COPS2: variants seen among roughly 807,000 people sequenced by gnomAD.
COPS2 encodes COP9 signalosome subunit 2, also known as COP9 signalosome complex subunit 2.
A neutral mutation model predicts 66.1 loss-of-function variants in COPS2; 10 were observed. The ratio of observed to expected loss-of-function variants is 0.15; its 90% CI spans 0.09 to 0.26. The LOEUF is 0.26. Among genes scored for constraint, COPS2 ranks in the 10% least tolerant of loss-of-function variants. The pLI is 1.00. For synonymous variants in COPS2, 179 were observed against 171.3 expected, an observed-to-expected ratio of 1.04 and a Z score of -0.35; for missense variants, 215 against 513.3, an observed-to-expected ratio of 0.42 and a Z score of 5.62.
intron 9 of COPS2, among the ~76,000 whole-genome samples, chr15:49,131,655 T>A (rs577514131): frequency 2.6e-5 from 4 of 152,220 alleles, no homozygotes. Flanking sequence ...TCTAGTCTCC[T>A]GGCAACTGAC....
intron 3 of COPS2, among the ~76,000 whole-genome samples, chr15:49,142,946 A>G (rs2084298847): frequency 6.6e-6 from 1 of 152,162 alleles, no homozygotes; most frequent in African/African-American, 2.4e-5. Flanking sequence ...GGTGAAGAGG[A>G]GCAATAAATA....
chr15:49,144,451 TCA>T, intron 2 of COPS2, 147 bp from the exon 3 acceptor site: 1 of 558,358 alleles, frequency 1.8e-6, no homozygotes, highest in East Asian at 3.0e-5. Flanking sequence ...ATGTCATTTT[TCA>T]GTCTTTAAAA....
intron 9 of COPS2, 29 bp from the exon 10 acceptor site, chr15:49,130,845 T>C: frequency 8.1e-7 from 1 of 1,235,728 alleles, no homozygotes; most frequent in Non-Finnish European, 1.2e-6. Context: ...GTAAATTATG[T>C]CAAACATGAA....
At chr15:49,149,792 T>C (rs575117704) in intron 1 of COPS2, among the ~76,000 whole-genome samples, 7 of 152,300 alleles carry the variant, frequency 4.6e-5, no homozygotes, top group African/African-American at 1.4e-4. Flanking sequence ...TTTCTGAGTC[T>C]TGTCTAACAG....
Position 49,129,552 on chromosome 15 carries a change from CA to C in COPS2, c.1052del (p.Leu351CysfsTer10). 6.7e-7 allele frequency: 1 copy of C among 1,495,506 alleles called. No individual in the cohort carries two copies. The highest frequency in any genetic ancestry group is 9.0e-7 in the Non-Finnish European group (1 of 1,117,308). 92.6% of individuals were successfully genotyped at this position (1,495,506 alleles called of 1,614,324 possible). ...TAAGCACTTGTGTTCTGATGTTTCGCAAAAGCTCTGAAAGACAAAAAATTAA... is the reference window on the plus strand; with the variant it reads ...TAAGCACTTGTGTTCTGATGTTTCGCAAAGCTCTGAAAGACAAAAAATTAA... ...PFIREHIEEL[L>X]RNIRTQVLIK... On this transcript the variant is annotated frameshift_variant, in exon 11 of 13. Transcript: ENST00000388901. LOFTEE classifies it high-confidence loss of function.
intron 9 of COPS2, among the ~76,000 whole-genome samples, chr15:49,131,183 C>A (rs1347232346): frequency 6.6e-6 from 1 of 151,906 alleles, no homozygotes; most frequent in Admixed American, 6.6e-5. Flanking sequence ...CATTTAATTC[C>A]TAATTGTTCA....
At position 49,134,003 on chromosome 15, in the gene COPS2, G is replaced by C. The variant is rs749399929; in HGVS notation, c.821C>G (p.Thr274Ser). Reference protein sequence around the residue: ...NYDESGSPRRTTCLKYLVLAN... With the variant: ...NYDESGSPRRSTCLKYLVLAN... ...TAAGACCAAATATTTTAAGCAAGTG[G>C]TTCGTCTTGGACTTCCAGATTCATC... The change falls in exon 8 of 13, where the codon ACC becomes AGC. Residue 274 changes from threonine (T) to serine (S), a missense_variant. Around this residue, in one of 5 missense-constraint regions of COPS2, gnomAD observed 56 missense variants for 173.6 expected, o/e 0.32. Coordinates refer to ENST00000388901, the MANE Select transcript of COPS2 (RefSeq NM_004236.4). The C allele has an allele frequency of 6.2e-7, 1 of 1,613,880 alleles. No homozygotes were observed. The highest frequency in any genetic ancestry group is 8.5e-7 in the Non-Finnish European group (1 of 1,179,874).
intron 6 of COPS2, among the ~76,000 whole-genome samples, chr15:49,136,323 A>T (rs997512732): frequency 3.3e-5 from 5 of 152,244 alleles, no homozygotes; most frequent in Non-Finnish European, 5.9e-5. Flanking sequence ...ATATAAAATG[A>T]AAGCCTGGTT....
rs1304721837 is a variant in COPS2, at chr15:49,124,550, G to A, written c.*3400C>T. ...TAAATGAAGACCAAATGCCTTTTGC[G>A]TCACATTCTGAAACCTGATACTCCA... On this transcript the variant is annotated 3_prime_UTR_variant, in exon 13 of 13. Coordinates refer to ENST00000388901, the MANE Select transcript of COPS2 (RefSeq NM_004236.4). 1 of 152,102 alleles carries A rather than the reference G, an allele frequency of 6.6e-6. No homozygotes were observed. The highest frequency in any genetic ancestry group is 1.5e-5 in the Non-Finnish European group (1 of 67,998). 9.4% of individuals were successfully genotyped at this position (152,102 alleles called of 1,614,324 possible). A position where few individuals can be genotyped will look rare whatever the true frequency, so the allele number is the denominator to read the frequency against.
At chr15:49,139,751 G>A (rs1412045292) in intron 3 of COPS2, 98 bp from the exon 4 acceptor site, 4 of 854,580 alleles carry the variant, frequency 4.7e-6, no homozygotes, top group Non-Finnish European at 7.2e-6. Context: ...ATAATGAAAT[G>A]TAGTTCATAT....
intron 1 of COPS2, among the ~76,000 whole-genome samples, chr15:49,148,346 C>A (rs1479308627): frequency 6.6e-6 from 1 of 152,042 alleles, no homozygotes; most frequent in South Asian, 2.1e-4. Context: ...ACTAAGTCCA[C>A]TGGCATCTCA....
intron 3 of COPS2, among the ~76,000 whole-genome samples, chr15:49,144,010 C>A (rs1293241098): frequency 1.0e-4 from 15 of 150,150 alleles, no homozygotes; most frequent in Admixed American, 5.3e-4. Flanking sequence ...GTAAATGCAT[C>A]TAAAAGAGTA....
At chr15:49,129,898 T>A (rs1391038283) in intron 10 of COPS2, among the ~76,000 whole-genome samples, 2 of 152,232 alleles carry the variant, frequency 1.3e-5, no homozygotes, top group African/African-American at 4.8e-5. Flanking sequence ...TTCCTTGTTT[T>A]AGACTCTCTC....
intron 10 of COPS2, 53 bp from the exon 11 acceptor site, chr15:49,129,612 T>G (rs1297375377): frequency 5.7e-6 from 5 of 874,356 alleles, no homozygotes. Context: ...GTATGATATC[T>G]TTATGGATCA....
At chr15:49,142,521 A>G (rs1440021482) in intron 3 of COPS2, among the ~76,000 whole-genome samples, 2 of 152,190 alleles carry the variant, frequency 1.3e-5, no homozygotes, top group Non-Finnish European at 2.9e-5. Flanking sequence ...GGAAATACAA[A>G]AACAGGGGAA....
At chr15:49,155,205 C>T (rs1380232490) in intron 1 of COPS2, among the ~76,000 whole-genome samples, 1 of 152,262 alleles carries the variant, frequency 6.6e-6, no homozygotes, top group Admixed American at 6.5e-5. Context: ...ACCGAGGCGG[C>T]TAGCGCGGTG....
chr15:49,151,399 CA>C (rs35587443), intron 1 of COPS2, among the ~76,000 whole-genome samples: 52,674 of 114,108 alleles, frequency 0.46, 11,737 homozygotes, highest in Non-Finnish European at 0.57. Flanking sequence ...AACTCTGTCT[CA>C]AAAAAAAAAA....
intron 4 of COPS2, among the ~76,000 whole-genome samples, chr15:49,138,498 CATA>C (rs916620243): frequency 3.3e-5 from 5 of 152,130 alleles, no homozygotes; most frequent in African/African-American, 1.2e-4. Context: ...CAATTACTGG[CATA>C]ATATTTATAA....
In COPS2 at chr15:49,144,380, T is replaced by G. The variant is rs1254560091; in HGVS notation, c.169-76A>C. ...TCTAATGATGCCCAATGTGTAAGTA[T>G]TGAATTAATTTTATACTATATGCAT... On this transcript the variant is annotated intron_variant, in intron 2 of 12. Coordinates refer to ENST00000388901, the MANE Select transcript of COPS2 (RefSeq NM_004236.4). 6.1e-6 allele frequency: 5 copies of G among 825,720 alleles called. No individual in the cohort carries two copies. The African/African-American group carries it at 6.9e-5, about 11-fold the overall frequency. 51.1% of individuals were successfully genotyped at this position (825,720 alleles called of 1,614,324 possible). A position where few individuals can be genotyped will look rare whatever the true frequency, so the allele number is the denominator to read the frequency against.
Sources: allele counts gnomAD v4.1 joint callset (sites outside exome capture counted in the v4.1 genomes callset), GRCh38; gene constraint gnomAD v4.1.1; regional missense constraint gnomAD v4.1.1; transcripts MANE v1.5; gene names NCBI Gene and HGNC (gene_info 2026-07-23, HGNC 2026-07-21).